Variants in ADCY5 observed in about 807,000 individuals in gnomAD.
The protein encoded by ADCY5 is adenylate cyclase 5.
A neutral mutation model predicts 119.7 loss-of-function variants in ADCY5; 30 were observed. The observed-to-expected ratio is 0.25, with a 90% confidence interval of 0.19 to 0.34. ADCY5 has a LOEUF of 0.34. ADCY5 is among the 10% of genes least tolerant of loss of function. The probability of loss-of-function intolerance (pLI) is 1.00; values close to 1 mark genes in which losing one functional copy is unlikely to be tolerated. For missense variants in ADCY5, 1,324 were observed against 1,775.2 expected, an observed-to-expected ratio of 0.75 and a Z score of 4.57; for synonymous variants, 753 against 762.2, an observed-to-expected ratio of 0.99 and a Z score of 0.20.
intron 16 of ADCY5, chr3:123,296,910 AC>A (rs567632303): frequency 1.3e-5 from 17 of 1,344,678 alleles, no homozygotes; most frequent in African/African-American, 1.2e-4. Flanking sequence ...GGCTCCAGTG[AC>A]CCCCCGCCCC....
rs138220803 is a variant in ADCY5, at chr3:123,442,773, C to T, written c.1134+4639G>A. ...CTAGGGATCTAGAAGACGACCCCCA[C>T]CCCAGCCACTTCTGCTCTCCTCCAA... On this transcript the variant is annotated intron_variant, in intron 1 of 20. Coordinates refer to ENST00000462833, the MANE Select transcript of ADCY5 (RefSeq NM_183357.3). 1.3e-3 allele frequency among the ~76,000 whole-genome samples: 193 copies of T among 152,308 alleles called. 1 individual carries two copies. In the East Asian group the frequency reaches 0.025, roughly 20 times the overall value.
chr3:123,436,632 G>A (rs1222813001), intron 1 of ADCY5, among the ~76,000 whole-genome samples: 3 of 151,852 alleles, frequency 2.0e-5, no homozygotes, highest in Non-Finnish European at 4.4e-5. Flanking sequence ...CTTGAACCCA[G>A]GAGGCAGAGG....
intron 16 of ADCY5, chr3:123,296,924 G>T: frequency 6.8e-7 from 1 of 1,462,004 alleles, no homozygotes; most frequent in Non-Finnish European, 9.2e-7. Flanking sequence ...CCCGCCCCTT[G>T]CCCAGGCAGC....
In ADCY5 at chr3:123,396,438, A is replaced by AAAGG. The variant is rs375967682; in HGVS notation, c.1135-43861_1135-43858dup. Reference sequence around the variant, plus strand: ...GAGAGAGAGGGAGGGAGGGAAAGAGAAAGGAAGGAAGGGAGGGAAGGAGAC... The same window carrying AAAGG: ...GAGAGAGAGGGAGGGAGGGAAAGAGAAAGGAAGGAAGGAAGGGAGGGAAGGAGAC... On this transcript the variant is annotated intron_variant, in intron 1 of 20. Coordinates refer to ENST00000462833, the MANE Select transcript of ADCY5 (RefSeq NM_183357.3). Among the ~76,000 whole-genome samples, 343 of 141,252 alleles carry AAAGG rather than the reference A, an allele frequency of 2.4e-3. 3 individuals carry two copies. The highest frequency in any genetic ancestry group is 9.0e-3 in the African/African-American group (338 of 37,594). 92.7% of individuals were successfully genotyped at this position (141,252 alleles called of 152,430 possible). A position where few individuals can be genotyped will look rare whatever the true frequency, so the allele number is the denominator to read the frequency against.
At chr3:123,379,940 C>T (rs1184172995) in intron 1 of ADCY5, among the ~76,000 whole-genome samples, 1 of 152,152 alleles carries the variant, frequency 6.6e-6, no homozygotes, top group Admixed American at 6.5e-5. Flanking sequence ...GAAGCCAACT[C>T]AACCCAAGGA....
At chr3:123,343,023 T>G (rs1013955713) in intron 3 of ADCY5, among the ~76,000 whole-genome samples, 1 of 152,212 alleles carries the variant, frequency 6.6e-6, no homozygotes, top group African/African-American at 2.4e-5. Flanking sequence ...GGCACCCTCT[T>G]ACGGATGCTG....
At chr3:123,321,428 G>A (rs547125308) in intron 8 of ADCY5, among the ~76,000 whole-genome samples, 10 of 152,274 alleles carry the variant, frequency 6.6e-5, no homozygotes, top group South Asian at 2.1e-4. Flanking sequence ...GGCCCTTACC[G>A]GCTGTCAAAC....
intron 11 of ADCY5, among the ~76,000 whole-genome samples, chr3:123,317,543 T>C (rs1940981018): frequency 6.6e-6 from 1 of 152,018 alleles, no homozygotes; most frequent in African/African-American, 2.4e-5. Flanking sequence ...GAGACCAGCC[T>C]GGGCAACATG....
intron 1 of ADCY5, among the ~76,000 whole-genome samples, chr3:123,392,184 T>A (rs781443728): frequency 6.6e-5 from 10 of 152,242 alleles, no homozygotes; most frequent in Non-Finnish European, 1.2e-4. Context: ...CTAATTTGTT[T>A]TAAATGATTT....
At chr3:123,333,583 C>T (rs1941883353) in intron 3 of ADCY5, among the ~76,000 whole-genome samples, 1 of 152,234 alleles carries the variant, frequency 6.6e-6, no homozygotes. Context: ...TAACGGCACC[C>T]TCCCCCAGCC....
intron 1 of ADCY5, among the ~76,000 whole-genome samples, chr3:123,390,278 G>A (rs987803565): frequency 2.0e-5 from 3 of 152,222 alleles, no homozygotes; most frequent in East Asian, 1.9e-4. Flanking sequence ...GCTAGTGGCC[G>A]GATGTCAAAG....
intron 1 of ADCY5, among the ~76,000 whole-genome samples, chr3:123,381,766 T>C (rs1365804044): frequency 6.6e-6 from 1 of 152,240 alleles, no homozygotes. Context: ...AGATCCAGGC[T>C]GCACATCTCA....
chr3:123,363,372 C>A (rs528056195), intron 1 of ADCY5, among the ~76,000 whole-genome samples: 4 of 152,142 alleles, frequency 2.6e-5, no homozygotes, highest in African/African-American at 9.7e-5. Flanking sequence ...ATGGAATAGG[C>A]ACCCTCCTAC....
At chr3:123,293,428 AGGGGAAGGAT>A (rs1350087300) in intron 17 of ADCY5, among the ~76,000 whole-genome samples, 1 of 152,186 alleles carries the variant, frequency 6.6e-6, no homozygotes, top group Non-Finnish European at 1.5e-5. Context: ...CCAAAATCCC[AGGGGAAGGAT>A]GGGAAAATGA....
Position 123,318,130 on chromosome 3 carries a change from G to C in ADCY5, c.2257-13C>G, listed in dbSNP as rs200097715. ...CCTGCTTGGAGTACTGAGAGGAGAC[G>C]GGCAGGGTGAGAGGGGCCAAGGTAC... is the stretch of plus-strand genomic sequence containing the variant. On this transcript the variant is annotated splice_polypyrimidine_tract_variant and intron_variant, in intron 10 of 20. Transcript: ENST00000462833. 2 of 1,608,474 alleles carry C rather than the reference G, an allele frequency of 1.2e-6. No individual in the cohort carries two copies. The highest frequency in any genetic ancestry group is 4.5e-5 in the East Asian group (2 of 44,786).
At chr3:123,385,188 C>T (rs540769394) in intron 1 of ADCY5, among the ~76,000 whole-genome samples, 2 of 152,268 alleles carry the variant, frequency 1.3e-5, no homozygotes, top group East Asian at 3.9e-4. Context: ...GCAAGCTGCC[C>T]TTCCTGCAGA....
At chr3:123,293,102 G>C (rs565310660) in intron 17 of ADCY5, among the ~76,000 whole-genome samples, 1 of 152,358 alleles carries the variant, frequency 6.6e-6, no homozygotes, top group East Asian at 1.9e-4. Context: ...CGCCCTGGCA[G>C]GGCAGGAAGG....
At chr3:123,386,269 C>T (rs990799839) in intron 1 of ADCY5, among the ~76,000 whole-genome samples, 3 of 140,372 alleles carry the variant, frequency 2.1e-5, no homozygotes, top group African/African-American at 5.6e-5. Context: ...CTCCCCTCAT[C>T]CTCGGCAGAG....
intron 1 of ADCY5, among the ~76,000 whole-genome samples, chr3:123,388,707 AG>A (rs1355729794): frequency 2.0e-5 from 3 of 152,200 alleles, no homozygotes; most frequent in African/African-American, 7.2e-5. Context: ...GAACAGCCAA[AG>A]AAAGACAAGA....
Sources: allele counts gnomAD v4.1 joint callset (sites outside exome capture counted in the v4.1 genomes callset), GRCh38; gene constraint gnomAD v4.1.1; transcripts MANE v1.5; gene names NCBI Gene and HGNC (gene_info 2026-07-23, HGNC 2026-07-21).